Variants in PCDHGB3 observed in about 807,000 individuals in gnomAD.
PCDHGB3 encodes the protein protocadherin gamma subfamily B, 3, also known as protocadherin gamma-B3.
A neutral mutation model predicts 59.2 loss-of-function variants in PCDHGB3; 40 were observed. The observed-to-expected ratio is 0.68, with a 90% CI of 0.52 to 0.88. PCDHGB3 has a LOEUF of 0.88. Among genes scored for constraint, PCDHGB3 ranks in the 40% least tolerant of loss-of-function variants. The pLI is 0.00. For missense variants in PCDHGB3, 1,309 were observed against 1,187.9 expected (o/e 1.10, Z -1.50); for synonymous variants, 581 against 503.6 (o/e 1.15, Z -2.06).
chr5:141,392,830 G>A lies in PCDHGB3; in HGVS notation c.2415+20021G>A, dbSNP rs747812941. ...AAAACAACAATGGCCGCTCCACAGA[G>A]TCGCCCCAGACGCGGCGAGCTGATC... On this transcript the variant is annotated intron_variant, in intron 1 of 3. Transcript: ENST00000576222. The A allele has an allele frequency of 1.6e-5, 26 of 1,604,568 alleles. No individual in the cohort carries two copies. Among genetic ancestry groups the A allele is most frequent in the Non-Finnish European group, 2.0e-5 (24 of 1,175,404 alleles).
rs2099641960 is a variant in PCDHGB3 at position 141,487,259 on chromosome 5, T to C, written c.2416-7548T>C. On this transcript the variant is annotated intron_variant, in intron 1 of 3. Coordinates refer to ENST00000576222, the MANE Select transcript of PCDHGB3 (RefSeq NM_018924.5). This position sits in a 1 kb window ranked among gnomAD's most constrained non-coding sequence, Gnocchi z 5.0. ...TCGTCTAACCCTCTACTTGGCTGTG[T>C]CCCTAGTGGCAATTTGCTTTGTCTC... 6.2e-7 allele frequency: 1 copy of C among 1,614,132 alleles called. No homozygotes were observed. Among genetic ancestry groups the C allele is most frequent in the Non-Finnish European group, 8.5e-7 (1 of 1,180,012 alleles).
intron 1 of PCDHGB3, chr5:141,393,440 C>T (rs777552488): frequency 1.7e-5 from 27 of 1,613,924 alleles, no homozygotes; most frequent in Non-Finnish European, 2.3e-5. Context: ...CTGCTCACCA[C>T]CTGGTCCTCA....
Position 141,370,767 on chromosome 5 carries a change from G to T in PCDHGB3, c.373G>T (p.Asp125Tyr), listed in dbSNP as rs749108869. The stretch of plus-strand genomic sequence containing the variant: ...TTTTCATGTAACTGTGCTGATCCAG[G>T]ATATTAACGACAACCCACCGACCTT... Reference protein sequence around the residue: ...NFFHVTVLIQDINDNPPTFSQ... With the variant: ...NFFHVTVLIQYINDNPPTFSQ... Residue 125 changes from aspartate (D) to tyrosine (Y), a missense_variant, in exon 1 of 4, where the codon GAT (aspartate) becomes TAT (tyrosine). Coordinates refer to ENST00000576222, the MANE Select transcript of PCDHGB3 (RefSeq NM_018924.5). 12 of 1,613,966 alleles carry T rather than the reference G, an allele frequency of 7.4e-6. No homozygotes were observed. Among genetic ancestry groups the T allele is most frequent in the Non-Finnish European group, 1.0e-5 (12 of 1,179,896 alleles).
chr5:141,408,240 C>T (rs1012868761), intron 1 of PCDHGB3: 89 of 1,578,820 alleles, frequency 5.6e-5, no homozygotes, highest in Non-Finnish European at 7.3e-5. Context: ...CGGGCCGGCC[C>T]GCGGCAGGTG....
rs781226207 is a variant in PCDHGB3 at position 141,372,346 on chromosome 5, A to G, written c.1952A>G (p.Gln651Arg). Residue 651 changes from glutamine (Q) to arginine (R), a missense_variant, in exon 1 of 4, where the codon CAG (glutamine) becomes CGG (arginine). Physicochemically the swap from Gln to Arg is conservative, Grantham distance 43. Coordinates refer to ENST00000576222, the MANE Select transcript of PCDHGB3 (RefSeq NM_018924.5). ...CTGGTCACTGTGCGTGATGGAGGACAGCAGCCTCTTTCAGCCACCGTCATG... is the reference window on the plus strand; with the variant it reads ...CTGGTCACTGTGCGTGATGGAGGACGGCAGCCTCTTTCAGCCACCGTCATG... ...RLLVTVRDGG[Q>R]QPLSATVMLH... The G allele has an allele frequency of 6.2e-7, 1 of 1,613,714 alleles. No individual in the cohort carries two copies. The highest frequency in any genetic ancestry group is 1.3e-5 in the African/African-American group (1 of 74,956).
chr5:141,410,333 A>G lies in PCDHGB3; in HGVS notation c.2415+37524A>G, dbSNP rs774436706. 4.7e-5 allele frequency: 76 copies of G among 1,613,666 alleles called. No individual in the cohort carries two copies. Among genetic ancestry groups the G allele is most frequent in the Non-Finnish European group, 4.0e-5 (47 of 1,179,884 alleles). ...CTTCCTCCTCGCCGTGATTCTGGCC[A>G]TTGCCTTGCGCCTGCGACGCTCTCT... On this transcript the variant is annotated intron_variant, in intron 1 of 3. Transcript: ENST00000576222.
intron 1 of PCDHGB3, among the ~76,000 whole-genome samples, chr5:141,467,790 C>T (rs1321576171): frequency 6.6e-6 from 1 of 152,118 alleles, no homozygotes; most frequent in Non-Finnish European, 1.5e-5. Context: ...TCTCAAGTAG[C>T]TGGGACTACA....
At chr5:141,394,859 C>G in intron 1 of PCDHGB3, 4 of 1,613,758 alleles carry the variant, frequency 2.5e-6, no homozygotes, top group Non-Finnish European at 3.4e-6. Flanking sequence ...AGCCTTCGGT[C>G]GACCCGAACG....
chr5:141,389,374 G>C (rs192606668), intron 1 of PCDHGB3: 6 of 1,613,666 alleles, frequency 3.7e-6, no homozygotes, highest in Admixed American at 1.7e-5. Flanking sequence ...CTGGAGCAGC[G>C]GGAGCTGTCA....
At chr5:141,488,331 T>C (rs535498873) in intron 1 of PCDHGB3, among the ~76,000 whole-genome samples, 22 of 152,218 alleles carry the variant, frequency 1.4e-4, no homozygotes, top group Non-Finnish European at 3.1e-4. Context: ...TACAGTTGGC[T>C]GATTCATAGA....
intron 1 of PCDHGB3, chr5:141,398,307 G>A (rs1447377921): frequency 1.5e-6 from 2 of 1,359,764 alleles, no homozygotes; most frequent in South Asian, 1.3e-5. Flanking sequence ...GCGTCCAGGA[G>A]TTACCGACTC....
intron 1 of PCDHGB3, among the ~76,000 whole-genome samples, chr5:141,460,912 G>GTGTATA (rs145509489): frequency 0.032 from 4,842 of 149,286 alleles, 90 homozygotes; most frequent in Middle Eastern, 0.083. Flanking sequence ...ATTCCATGGT[G>GTGTATA]TATATATATA....
Position 141,370,928 on chromosome 5 carries a change from C to T in PCDHGB3, c.534C>T (p.Phe178=). 6.2e-7 allele frequency: 1 copy of T among 1,613,992 alleles called. No individual in the cohort carries two copies. The highest frequency in any genetic ancestry group is 8.5e-7 in the Non-Finnish European group (1 of 1,179,876). The part of the protein sequence containing the change: ...QQYYLSPDPH[F]SLIQKENLDG... ...ACTACCTCAGCCCTGATCCGCACTT[C>T]TCTTTGATTCAGAAGGAGAACCTGG... Residue 178 remains phenylalanine (F), a synonymous_variant, in exon 1 of 4, where the codon TTC becomes TTT. Transcript: ENST00000576222.
chr5:141,433,305 C>T, intron 1 of PCDHGB3: 1 of 931,032 alleles, frequency 1.1e-6, no homozygotes, highest in Non-Finnish European at 1.6e-6. Flanking sequence ...GCAATTATCC[C>T]ACCTTTGCCT....
intron 1 of PCDHGB3, chr5:141,404,622 A>G (rs1182540384): frequency 9.9e-6 from 16 of 1,614,156 alleles, no homozygotes; most frequent in Non-Finnish European, 1.4e-5. Flanking sequence ...GACCAGAATG[A>G]CAATGCCCCA....
rs1203945578 is a variant in PCDHGB3 at position 141,512,055 on chromosome 5, T to G, written c.*882T>G. 6.5e-6 allele frequency: 1 copy of G among 152,698 alleles called. No homozygotes were observed. The highest frequency in any genetic ancestry group is 1.5e-5 in the Non-Finnish European group (1 of 68,092). 9.5% of individuals were successfully genotyped at this position (152,698 alleles called of 1,614,324 possible). The stretch of plus-strand genomic sequence containing the variant: ...GAGGCTCTGTATGTCCTCAGGGGAC[T>G]GACAACATCCTCCAGATTCCAGCCA... On this transcript the variant is annotated 3_prime_UTR_variant, in exon 4 of 4. Transcript: ENST00000576222.
intron 2 of PCDHGB3, among the ~76,000 whole-genome samples, chr5:141,499,885 G>A (rs945162089): frequency 2.6e-5 from 4 of 151,850 alleles, no homozygotes; most frequent in Non-Finnish European, 4.4e-5. Flanking sequence ...ACAGGGTTTC[G>A]CCATGTTGGC....
At chr5:141,408,428 A>C (rs1397543407) in intron 1 of PCDHGB3, 1 of 1,614,076 alleles carries the variant, frequency 6.2e-7, no homozygotes, top group South Asian at 1.1e-5. Flanking sequence ...GCTGCACTTC[A>C]GCGTAGACGC....
chr5:141,388,372 G>C (rs1040306905), intron 1 of PCDHGB3: 5 of 1,613,966 alleles, frequency 3.1e-6, no homozygotes, highest in Non-Finnish European at 4.2e-6. Context: ...GCGGATATTG[G>C]TAGCAACACA....
Sources: allele counts gnomAD v4.1 joint callset (sites outside exome capture counted in the v4.1 genomes callset), GRCh38; gene constraint gnomAD v4.1.1; non-coding constraint Gnocchi (gnomAD v3.1); transcripts MANE v1.5; gene names NCBI Gene and HGNC (gene_info 2026-07-23, HGNC 2026-07-21).